The following CDH8 variants were observed in gnomAD, a reference collection of about 807,000 sequenced individuals.
CDH8 encodes the protein cadherin 8.
A neutral mutation model predicts 68.1 loss-of-function variants in CDH8; 17 were observed. The ratio of observed to expected loss-of-function variants is 0.25; its 90% CI spans 0.17 to 0.37. CDH8 has a LOEUF of 0.37. Among genes scored for constraint, CDH8 ranks in the 10% least tolerant of loss-of-function variants. The probability of loss-of-function intolerance (pLI) is 1.00; values close to 1 mark genes in which losing one functional copy is unlikely to be tolerated. For synonymous variants in CDH8, 372 were observed against 365.1 expected (o/e 1.02, Z -0.21); for missense variants, 763 against 999.3 (o/e 0.76, Z 3.19).
At chr16:62,000,199 C>T (rs1406332405) in intron 2 of CDH8, among the ~76,000 whole-genome samples, 1 of 152,158 alleles carries the variant, frequency 6.6e-6, no homozygotes, top group Non-Finnish European at 1.5e-5. Flanking sequence ...TCCAGTCTAT[C>T]ATTGATAAGC....
rs1469919165 is a variant in CDH8 at position 62,013,051 on chromosome 16, G to T, written c.252+8101C>A. 6.6e-5 allele frequency among the ~76,000 whole-genome samples: 2 copies of T among 30,430 alleles called. 1 individual carries two copies. Among genetic ancestry groups the T allele is most frequent in the African/African-American group, 2.1e-4 (2 of 9,670 alleles). 20.0% of individuals were successfully genotyped at this position (30,430 alleles called of 152,430 possible). On this transcript the variant is annotated intron_variant, in intron 2 of 11. Coordinates refer to ENST00000577390, the MANE Select transcript of CDH8 (RefSeq NM_001796.5). The stretch of plus-strand genomic sequence containing the variant: ...GGGTGGATCATGAGGTCAGGAGATC[G>T]AGACCATCCTGGCTAACAAGGTGAA...
intron 7 of CDH8, among the ~76,000 whole-genome samples, chr16:61,806,888 T>C (rs1398771495): frequency 4.0e-5 from 4 of 99,892 alleles, no homozygotes; most frequent in African/African-American, 1.6e-4. Context: ...TGGAAACTAG[T>C]TCAACCATTG....
At chr16:61,891,777 T>C (rs1963783312) in intron 3 of CDH8, among the ~76,000 whole-genome samples, 1 of 152,166 alleles carries the variant, frequency 6.6e-6, no homozygotes, top group African/African-American at 2.4e-5. Context: ...CCACCCATGT[T>C]TTCCTAAAGA....
intron 9 of CDH8, chr16:61,726,067 T>C (rs1959356156): frequency 6.6e-6 from 1 of 150,752 alleles, no homozygotes; most frequent in South Asian, 2.1e-4. Flanking sequence ...GTCCTTTCTT[T>C]AGGGGGAAAA....
chr16:61,647,893 G>T lies in CDH8; in HGVS notation c.*5715C>A. 1.4e-6 allele frequency: 1 copy of T among 696,366 alleles called. No individual in the cohort carries two copies. The allele number at this position is 696,366 out of a possible 1,614,324, so 43.1% of individuals were successfully genotyped here. ...CTAGCAACCCTCTTCTGTAATCTGT[G>T]GATAATAATAGAAATATCTATTATC... On this transcript the variant is annotated 3_prime_UTR_variant, in exon 12 of 12. Transcript: ENST00000577390.
In CDH8 at chr16:61,713,346, G is replaced by A. The variant is rs187182403; in HGVS notation, c.1654+495C>T. Among the ~76,000 whole-genome samples, 9 of 151,800 alleles carry A rather than the reference G, an allele frequency of 5.9e-5. No individual in the cohort carries two copies. In the East Asian group the frequency reaches 1.6e-3, roughly 26 times the overall value. Reference sequence around the variant, plus strand: ...CTCCAAAATAATGCTGATAAGCAATGTCCTTCAAAGAGGATTTTCTGAACT... The same window carrying A: ...CTCCAAAATAATGCTGATAAGCAATATCCTTCAAAGAGGATTTTCTGAACT... On this transcript the variant is annotated intron_variant, in intron 10 of 11. Coordinates refer to ENST00000577390, the MANE Select transcript of CDH8 (RefSeq NM_001796.5).
At chr16:62,034,031 C>T (rs1468935673) in intron 1 of CDH8, among the ~76,000 whole-genome samples, 1 of 152,022 alleles carries the variant, frequency 6.6e-6, no homozygotes, top group Non-Finnish European at 1.5e-5. Context: ...AGCCACAGAG[C>T]TCGGGGAAGT....
rs1491267209 is a variant in CDH8, at chr16:61,960,377, A to ATG, written c.253-58906_253-58905dup. 2.9e-4 allele frequency among the ~76,000 whole-genome samples: 18 copies of ATG among 62,674 alleles called. 2 individuals are homozygous for ATG. Among genetic ancestry groups the ATG allele is most frequent in the South Asian group, 9.6e-4 (2 of 2,082 alleles). 41.1% of individuals were successfully genotyped at this position (62,674 alleles called of 152,430 possible). ...TGTGTGTATACACATACATATATAC[A>ATG]TGTGTGTGTGTATACACATACATAT... is the stretch of plus-strand genomic sequence containing the variant. On this transcript the variant is annotated intron_variant, in intron 2 of 11. Transcript: ENST00000577390.
intron 6 of CDH8, among the ~76,000 whole-genome samples, chr16:61,818,650 G>A (rs935039817): frequency 7.9e-5 from 12 of 152,134 alleles, no homozygotes; most frequent in African/African-American, 2.2e-4. Context: ...AGAAGCCCAC[G>A]TGCATTAGCA....
intron 2 of CDH8, among the ~76,000 whole-genome samples, chr16:61,965,826 G>T (rs961549946): frequency 2.0e-5 from 3 of 152,178 alleles, no homozygotes; most frequent in African/African-American, 7.2e-5. Context: ...TCATGAAAAT[G>T]AGCCATAACA....
chr16:61,773,855 T>C (rs1960843227), intron 8 of CDH8, among the ~76,000 whole-genome samples: 1 of 152,192 alleles, frequency 6.6e-6, no homozygotes, highest in East Asian at 1.9e-4. Context: ...ATAGAGGCTC[T>C]AGGGACCAGA....
At chr16:61,782,591 C>T (rs1393329687) in intron 8 of CDH8, among the ~76,000 whole-genome samples, 1 of 151,694 alleles carries the variant, frequency 6.6e-6, no homozygotes, top group Non-Finnish European at 1.5e-5. Context: ...CCCACCACAG[C>T]TCAAGGAGGC....
intron 9 of CDH8, among the ~76,000 whole-genome samples, chr16:61,724,167 A>G (rs758104072): frequency 1.3e-5 from 2 of 150,732 alleles, no homozygotes; most frequent in Non-Finnish European, 3.0e-5. Context: ...ATTCAAGGGA[A>G]TGTCACCTTT....
At chr16:61,965,877 C>T (rs1965241024) in intron 2 of CDH8, among the ~76,000 whole-genome samples, 1 of 152,144 alleles carries the variant, frequency 6.6e-6, no homozygotes, top group Non-Finnish European at 1.5e-5. Flanking sequence ...TTTAGCATAA[C>T]ATGTATGGAG....
At chr16:61,852,977 C>T (rs941924375) in intron 4 of CDH8, among the ~76,000 whole-genome samples, 2 of 151,544 alleles carry the variant, frequency 1.3e-5, no homozygotes, top group African/African-American at 4.9e-5. Context: ...AGGTGCCAGA[C>T]ATCTAGGCAT....
chr16:61,826,128 A>G (rs1012496258), intron 4 of CDH8, among the ~76,000 whole-genome samples: 2 of 148,608 alleles, frequency 1.3e-5, no homozygotes. Context: ...GAGTATAAAC[A>G]TTTAACCACA....
intron 2 of CDH8, among the ~76,000 whole-genome samples, chr16:62,013,716 C>T (rs1901871935): frequency 1.3e-5 from 2 of 152,170 alleles, no homozygotes; most frequent in Admixed American, 1.3e-4. Flanking sequence ...ACTTTCCAGT[C>T]ATGTAGCATT....
At chr16:61,972,236 G>A (rs1254578684) in intron 2 of CDH8, among the ~76,000 whole-genome samples, 1 of 152,138 alleles carries the variant, frequency 6.6e-6, no homozygotes, top group Non-Finnish European at 1.5e-5. Flanking sequence ...CCATGATTGT[G>A]AGGCCTCCCG....
In CDH8 at chr16:61,700,651, A is replaced by T. The variant is rs558654479; in HGVS notation, c.1654+13190T>A. Among the ~76,000 whole-genome samples the T allele has an allele frequency of 7.2e-5, 11 of 152,296 alleles. No individual in the cohort carries two copies. The South Asian group carries it at 2.3e-3, about 32-fold the overall frequency. The stretch of plus-strand genomic sequence containing the variant: ...GTATTAATTTCCATTCCCAATAACA[A>T]TGTATAAGATTTCTCACTTATATGT... On this transcript the variant is annotated intron_variant, in intron 10 of 11. Coordinates refer to ENST00000577390, the MANE Select transcript of CDH8 (RefSeq NM_001796.5).
Sources: allele counts gnomAD v4.1 joint callset (sites outside exome capture counted in the v4.1 genomes callset), GRCh38; gene constraint gnomAD v4.1.1; transcripts MANE v1.5; gene names NCBI Gene and HGNC (gene_info 2026-07-23, HGNC 2026-07-21).